PDGFC: variants seen among roughly 807,000 people sequenced by gnomAD.
PDGFC encodes platelet derived growth factor C, also known as platelet-derived growth factor C.
PDGFC carries 12 observed loss-of-function variants against 35.5 expected under a neutral mutation model. That is an observed-to-expected ratio of 0.34 (90% CI 0.22 to 0.55). The LOEUF (loss-of-function observed/expected upper bound fraction) is 0.55, where lower values mean the gene tolerates loss of function less well. Among genes scored for constraint, PDGFC ranks in the 20% least tolerant of loss-of-function variants. The probability of loss-of-function intolerance (pLI) is 0.91; values close to 1 mark genes in which losing one functional copy is unlikely to be tolerated. For missense variants in PDGFC, 322 were observed against 412.4 expected (o/e 0.78, Z 1.90); for synonymous variants, 159 against 148.8 (o/e 1.07, Z -0.50).
chr4:156,861,388 C>A (rs1729706521), intron 1 of PDGFC: 1 of 741,708 alleles, frequency 1.3e-6, no homozygotes, highest in East Asian at 6.4e-5. Context: ...ATAAGAAAAG[C>A]TTAAAAACTC....
intron 2 of PDGFC, among the ~76,000 whole-genome samples, chr4:156,825,578 T>TAAGAAGAAGAAGAAGAAG (rs1304163404): frequency 4.2e-5 from 4 of 95,006 alleles, no homozygotes; most frequent in South Asian, 3.5e-4. Context: ...ATAATAATAA[T>TAAGAAGAAGAAGAAGAAG]AATAATAATA....
chr4:156,882,459 T>G (rs1352016700), intron 1 of PDGFC, among the ~76,000 whole-genome samples: 5 of 152,196 alleles, frequency 3.3e-5, no homozygotes, highest in Non-Finnish European at 7.4e-5. Context: ...AACTTACATT[T>G]AATGTTCTAA....
At chr4:156,808,570 A>C (rs1351231315) in intron 3 of PDGFC, among the ~76,000 whole-genome samples, 2 of 151,960 alleles carry the variant, frequency 1.3e-5, no homozygotes, top group African/African-American at 4.8e-5. Flanking sequence ...TCCAGGAGGC[A>C]CACTTTCTTG....
chr4:156,930,883 A>AG (rs1731535684), intron 1 of PDGFC, among the ~76,000 whole-genome samples: 1 of 152,188 alleles, frequency 6.6e-6, no homozygotes, highest in Non-Finnish European at 1.5e-5. Context: ...AAATAAAAAT[A>AG]AAAATAAAAG....
chr4:156,798,143 G>C (rs1057165357), intron 3 of PDGFC, among the ~76,000 whole-genome samples: 2 of 152,154 alleles, frequency 1.3e-5, no homozygotes, highest in Non-Finnish European at 2.9e-5. Context: ...AGTGAGCCGA[G>C]ATTGCAACAC....
intron 1 of PDGFC, among the ~76,000 whole-genome samples, chr4:156,950,729 A>T (rs1560887736): frequency 6.6e-6 from 1 of 151,862 alleles, no homozygotes; most frequent in Non-Finnish European, 1.5e-5. Flanking sequence ...TCAGAAAAAA[A>T]ATCTATTTAT....
chr4:156,794,239 C>A (rs2110891501), intron 3 of PDGFC, among the ~76,000 whole-genome samples: 1 of 152,244 alleles, frequency 6.6e-6, no homozygotes, highest in Middle Eastern at 3.4e-3. Flanking sequence ...ACACATTCAA[C>A]CATCTTTCTC....
chr4:156,968,971 C>T (rs976442027), intron 1 of PDGFC, among the ~76,000 whole-genome samples: 3 of 152,146 alleles, frequency 2.0e-5, no homozygotes, highest in Non-Finnish European at 4.4e-5. Flanking sequence ...TGCTGCATGA[C>T]AGCTCTGGGA....
intron 1 of PDGFC, among the ~76,000 whole-genome samples, chr4:156,957,954 GT>G (rs1225602355): frequency 6.6e-6 from 1 of 151,910 alleles, no homozygotes; most frequent in East Asian, 1.9e-4. Flanking sequence ...GATTCTGCAC[GT>G]GCAAATGATG....
chr4:156,812,619 G>A (rs1213295916), intron 2 of PDGFC, among the ~76,000 whole-genome samples: 1 of 151,936 alleles, frequency 6.6e-6, no homozygotes, highest in Non-Finnish European at 1.5e-5. Context: ...AAAAGTTGCT[G>A]AAAAAAGACA....
chr4:156,889,430 T>C (rs556856562), intron 1 of PDGFC, among the ~76,000 whole-genome samples: 32 of 152,314 alleles, frequency 2.1e-4, no homozygotes, highest in Non-Finnish European at 4.3e-4. Context: ...CCATGACACA[T>C]GCAGGAAAAC....
intron 3 of PDGFC, among the ~76,000 whole-genome samples, chr4:156,775,879 C>T (rs1018078564): frequency 1.3e-5 from 2 of 152,038 alleles, no homozygotes; most frequent in African/African-American, 4.8e-5. Context: ...CACCACACCC[C>T]ACACACAGTG....
At chr4:156,857,933 AAC>A (rs1024235890) in intron 1 of PDGFC, among the ~76,000 whole-genome samples, 13 of 152,108 alleles carry the variant, frequency 8.5e-5, no homozygotes, top group African/African-American at 3.1e-4. Context: ...GATCTCAAAT[AAC>A]ACAATAAAAT....
chr4:156,805,484 G>T (rs1731732420), intron 3 of PDGFC, among the ~76,000 whole-genome samples: 1 of 152,014 alleles, frequency 6.6e-6, no homozygotes, highest in African/African-American at 2.4e-5. Flanking sequence ...AATAAGTTAT[G>T]AAAATTTAAC....
chr4:156,856,204 A>T (rs1350231694), intron 1 of PDGFC, among the ~76,000 whole-genome samples: 1 of 152,164 alleles, frequency 6.6e-6, no homozygotes, highest in Non-Finnish European at 1.5e-5. Flanking sequence ...CACTAAGGAA[A>T]AGTAAAAAAA....
rs74537051 is a variant in PDGFC at position 156,924,081 on chromosome 4, A to C, written c.118+46705T>G. Among the ~76,000 whole-genome samples, 2,487 of 152,292 alleles carry C rather than the reference A, an allele frequency of 0.016. 159 individuals carry two copies. In the East Asian group the frequency reaches 0.19, roughly 11 times the overall value. On this transcript the variant is annotated intron_variant, in intron 1 of 5. Transcript: ENST00000502773. Reference sequence around the variant, plus strand: ...TTTAAAGCCCTGCTTAATATGCCACACCAGCCAAGCAGCCTAGCCTAAAAT... The same window carrying C: ...TTTAAAGCCCTGCTTAATATGCCACCCCAGCCAAGCAGCCTAGCCTAAAAT...
chr4:156,812,936 A>C (rs1485719483), intron 2 of PDGFC, among the ~76,000 whole-genome samples: 1 of 152,096 alleles, frequency 6.6e-6, no homozygotes, highest in Non-Finnish European at 1.5e-5. Flanking sequence ...GAAAACACAA[A>C]GACAAAGAGG....
intron 1 of PDGFC, among the ~76,000 whole-genome samples, chr4:156,858,862 T>G (rs1729644111): frequency 6.6e-6 from 1 of 152,102 alleles, no homozygotes; most frequent in Non-Finnish European, 1.5e-5. Flanking sequence ...ATTAAGCATC[T>G]GTTAATTTTC....
At chr4:156,824,321 T>TAC (rs1282230939) in intron 2 of PDGFC, among the ~76,000 whole-genome samples, 3,649 of 96,176 alleles carry the variant, frequency 0.038, 184 homozygotes, top group African/African-American at 0.097. Context: ...TATATATATA[T>TAC]ATATATACAC....
Sources: allele counts gnomAD v4.1 joint callset (sites outside exome capture counted in the v4.1 genomes callset), GRCh38; gene constraint gnomAD v4.1.1; transcripts MANE v1.5; gene names NCBI Gene and HGNC (gene_info 2026-07-23, HGNC 2026-07-21).